The following LNPEP variants were observed in gnomAD, a reference collection of about 807,000 sequenced individuals.
LNPEP encodes leucyl-cystinyl aminopeptidase.
LNPEP carries 64 observed loss-of-function variants against 120.6 expected under a neutral mutation model. That is an observed-to-expected ratio of 0.53 (90% CI 0.43 to 0.65). The LOEUF is 0.65. Ranked by LOEUF, LNPEP falls within the 30% of genes least tolerant of loss-of-function variation. The pLI is 0.00. For synonymous variants in LNPEP, 435 were observed against 425.4 expected, an observed-to-expected ratio of 1.02 and a Z score of -0.28; for missense variants, 1,057 against 1,200.0, an observed-to-expected ratio of 0.88 and a Z score of 1.76.
At chr5:96,938,894 A>G (rs1159361514) in intron 1 of LNPEP, among the ~76,000 whole-genome samples, 10 of 151,878 alleles carry the variant, frequency 6.6e-5, no homozygotes, top group African/African-American at 2.4e-4. Flanking sequence ...GATGTGCTGG[A>G]CCAGTACTTA....
intron 1 of LNPEP, among the ~76,000 whole-genome samples, chr5:96,953,510 A>C (rs1255328670): frequency 6.6e-6 from 1 of 152,202 alleles, no homozygotes. Context: ...AAACCCAGAC[A>C]TCCCTGAGGC....
intron 8 of LNPEP, among the ~76,000 whole-genome samples, chr5:97,001,035 T>C (rs1287927654): frequency 1.3e-5 from 2 of 152,218 alleles, no homozygotes; most frequent in African/African-American, 4.8e-5. Context: ...TGCTAAGCCA[T>C]AGTAAGGACC....
intron 9 of LNPEP, 133 bp from the exon 10 acceptor site, chr5:97,005,940 T>C (rs1020787877): frequency 4.3e-6 from 1 of 230,856 alleles, no homozygotes; most frequent in African/African-American, 2.3e-5. Flanking sequence ...CTTTTTTATA[T>C]TAACATTAAA....
At chr5:96,989,344 TA>T (rs1236461266) in intron 4 of LNPEP, among the ~76,000 whole-genome samples, 1 of 24,020 alleles carries the variant, frequency 4.2e-5, no homozygotes, top group Non-Finnish European at 8.0e-5. Context: ...ATATAATATA[TA>T]ATATATTATA....
chr5:97,020,963 AT>A, intron 13 of LNPEP, among the ~76,000 whole-genome samples: 1 of 152,276 alleles, frequency 6.6e-6, no homozygotes, highest in East Asian at 1.9e-4. Context: ...ATACTTCGAC[AT>A]GGTATTAACA....
intron 2 of LNPEP, among the ~76,000 whole-genome samples, chr5:96,982,414 A>G (rs1246395337): frequency 6.6e-6 from 1 of 152,254 alleles, no homozygotes; most frequent in African/African-American, 2.4e-5. Flanking sequence ...CAGCATAGAT[A>G]GAACAGGTTA....
intron 4 of LNPEP, among the ~76,000 whole-genome samples, chr5:96,989,313 TTA>T (rs1309436917): frequency 3.9e-4 from 9 of 23,194 alleles, no homozygotes; most frequent in African/African-American, 1.4e-3. Context: ...ATATTGTATA[TTA>T]TATATAATAT....
intron 11 of LNPEP, among the ~76,000 whole-genome samples, chr5:97,007,245 G>C (rs1393190227): frequency 6.6e-6 from 1 of 152,124 alleles, no homozygotes; most frequent in African/African-American, 2.4e-5. Flanking sequence ...ATTTGGATCT[G>C]GTGTCAAAGC....
At chr5:97,005,277 T>C (rs1790752671) in intron 9 of LNPEP, among the ~76,000 whole-genome samples, 1 of 152,168 alleles carries the variant, frequency 6.6e-6, no homozygotes, top group South Asian at 2.1e-4. Context: ...AATTCATATA[T>C]AATCTAGAAA....
At chr5:96,996,265 T>G in intron 6 of LNPEP, 125 bp from the exon 7 acceptor site, 2 of 560,338 alleles carry the variant, frequency 3.6e-6, no homozygotes, top group South Asian at 5.5e-5. Flanking sequence ...TTAACTATAG[T>G]ATCAGTATAT....
intron 1 of LNPEP, among the ~76,000 whole-genome samples, chr5:96,961,142 G>A (rs1274741835): frequency 6.6e-6 from 1 of 152,078 alleles, no homozygotes; most frequent in Non-Finnish European, 1.5e-5. Flanking sequence ...GTTGATGAAT[G>A]CTTCTCCTAT....
chr5:96,995,584 A>C (rs1790497406), intron 6 of LNPEP, among the ~76,000 whole-genome samples: 1 of 151,834 alleles, frequency 6.6e-6, no homozygotes, highest in Non-Finnish European at 1.5e-5. Context: ...GCTGGAATGC[A>C]GTGGCATGAT....
chr5:96,960,217 C>T (rs190102504), intron 1 of LNPEP, among the ~76,000 whole-genome samples: 9 of 152,138 alleles, frequency 5.9e-5, no homozygotes, highest in Admixed American at 3.9e-4. Context: ...AGATTACAGG[C>T]GTGAGCCACC....
At chr5:97,000,907 G>A (rs1479841786) in intron 8 of LNPEP, among the ~76,000 whole-genome samples, 2 of 152,122 alleles carry the variant, frequency 1.3e-5, no homozygotes, top group Non-Finnish European at 2.9e-5. Flanking sequence ...GAGATAAAAG[G>A]TTGCTTTGCA....
intron 13 of LNPEP, among the ~76,000 whole-genome samples, chr5:97,018,783 T>C (rs1356637562): frequency 6.6e-6 from 1 of 152,208 alleles, no homozygotes; most frequent in Non-Finnish European, 1.5e-5. Flanking sequence ...CAAAGCATTA[T>C]GTACATTTAT....
intron 1 of LNPEP, 78 bp from the exon 2 acceptor site, chr5:96,979,060 G>T (rs962408264): frequency 5.4e-6 from 8 of 1,482,128 alleles, no homozygotes; most frequent in Non-Finnish European, 7.2e-6. Flanking sequence ...ATGTGGTCTA[G>T]GTAGAAGACA....
At chr5:96,982,150 G>A (rs1285071653) in intron 2 of LNPEP, among the ~76,000 whole-genome samples, 1 of 152,042 alleles carries the variant, frequency 6.6e-6, no homozygotes, top group East Asian at 1.9e-4. Flanking sequence ...AGCATCTCAT[G>A]GCAAGCAGAT....
At chr5:97,019,613 A>G (rs777014711) in intron 13 of LNPEP, among the ~76,000 whole-genome samples, 1 of 152,230 alleles carries the variant, frequency 6.6e-6, no homozygotes, top group Non-Finnish European at 1.5e-5. Context: ...AATTAGCCAC[A>G]GCCATCTTCA....
intron 1 of LNPEP, among the ~76,000 whole-genome samples, chr5:96,943,750 A>C (rs756464841): frequency 6.6e-6 from 1 of 152,230 alleles, no homozygotes; most frequent in African/African-American, 2.4e-5. Context: ...CTTCCAAGGG[A>C]GTTTCAAAAA....
Sources: allele counts gnomAD v4.1 joint callset (sites outside exome capture counted in the v4.1 genomes callset), GRCh38; gene constraint gnomAD v4.1.1; transcripts MANE v1.5; gene names NCBI Gene and HGNC (gene_info 2026-07-23, HGNC 2026-07-21).